The following CALD1 variants were observed in gnomAD, a reference collection of about 807,000 sequenced individuals.
CALD1 encodes caldesmon.
CALD1 carries 33 observed loss-of-function variants against 99.9 expected under a neutral mutation model. That is an observed-to-expected ratio of 0.33 (90% CI 0.25 to 0.44). The LOEUF (loss-of-function observed/expected upper bound fraction) is 0.44. Among genes scored for constraint, CALD1 ranks in the 20% least tolerant of loss-of-function variants. The pLI is 1.00. For synonymous variants in CALD1, 310 were observed against 325.0 expected, an observed-to-expected ratio of 0.95 and a Z score of 0.50; for missense variants, 861 against 962.1, an observed-to-expected ratio of 0.89 and a Z score of 1.39.
chr7:134,766,382 G>A (rs1796827314), intron 1 of CALD1, among the ~76,000 whole-genome samples: 1 of 151,800 alleles, frequency 6.6e-6, no homozygotes, highest in Admixed American at 6.6e-5. Flanking sequence ...CTGACCTCGG[G>A]TGATCCACCT....
At chr7:134,746,024 G>A (rs1796632208) in intron 1 of CALD1, among the ~76,000 whole-genome samples, 1 of 152,178 alleles carries the variant, frequency 6.6e-6, no homozygotes, top group Non-Finnish European at 1.5e-5. Context: ...AGAACCTATG[G>A]GAAAGGTAGT....
intron 1 of CALD1, among the ~76,000 whole-genome samples, chr7:134,765,236 G>T (rs1413485222): frequency 6.6e-6 from 1 of 151,626 alleles, no homozygotes; most frequent in African/African-American, 2.4e-5. Context: ...AATTGCTTAA[G>T]CCCGGGGGCA....
At chr7:134,819,508 AT>A (rs1169975406) in intron 1 of CALD1, among the ~76,000 whole-genome samples, 1 of 152,240 alleles carries the variant, frequency 6.6e-6, no homozygotes, top group African/African-American at 2.4e-5. Context: ...CACACAGGAA[AT>A]GCTTAATATG....
intron 3 of CALD1, among the ~76,000 whole-genome samples, chr7:134,876,566 A>T (rs1801363299): frequency 6.6e-6 from 1 of 152,244 alleles, no homozygotes; most frequent in Admixed American, 6.5e-5. Flanking sequence ...GATAGGCAGA[A>T]TGATACCAGT....
At chr7:134,765,678 G>A (rs932276817) in intron 1 of CALD1, among the ~76,000 whole-genome samples, 5 of 152,190 alleles carry the variant, frequency 3.3e-5, no homozygotes, top group African/African-American at 1.2e-4. Context: ...AGTATTGGAG[G>A]TGGGGCCTGG....
chr7:134,735,818 C>T, the CALD1 span, among the ~76,000 whole-genome samples: 1 of 152,086 alleles, frequency 6.6e-6, no homozygotes, highest in African/African-American at 2.4e-5. Flanking sequence ...AGATATATAA[C>T]TCCAAAAAGT....
At position 134,867,804 on chromosome 7, in the gene CALD1, G is replaced by T; in HGVS notation, c.71G>T (p.Arg24Ile). 1 of 1,591,774 alleles carries T rather than the reference G, an allele frequency of 6.3e-7. No homozygotes were observed. ...KREEMRLEAE[R>I]IAYQRNDDDE... ...GAGGAGATGCGACTCGAAGCAGAAA[G>T]GTAAGGATCTAGGGTGAAAAATACT... Residue 24 changes from arginine to isoleucine, a missense_variant and splice_region_variant, in exon 3 of 15, where the codon AGA becomes ATA. Arg to Ile is a moderately conservative substitution (Grantham distance 97, BLOSUM62 -3). Coordinates refer to ENST00000361675, the MANE Select transcript of CALD1 (RefSeq NM_033138.4).
rs71172475 is a variant in CALD1 at position 134,766,141 on chromosome 7, C to CTTTTTTTTTTTTTTT, written c.-130+21792_-130+21806dup. 1.6e-4 allele frequency among the ~76,000 whole-genome samples: 11 copies of CTTTTTTTTTTTTTTT among 70,804 alleles called. 1 individual carries two copies. Among genetic ancestry groups the CTTTTTTTTTTTTTTT allele is most frequent in the African/African-American group, 4.6e-4 (8 of 17,346 alleles). 46.5% of individuals were successfully genotyped at this position (70,804 alleles called of 152,430 possible). On this transcript the variant is annotated intron_variant, in intron 1 of 13. Coordinates refer to the CALD1 transcript ENST00000417172. ...GAGCCCCTTAAACCTCTTTTCTTTT[C>CTTTTTTTTTTTTTTT]TTTTTTTTTTTTTTTTTTTTTTTTT...
intron 1 of CALD1, among the ~76,000 whole-genome samples, chr7:134,831,493 G>A (rs944793964): frequency 6.6e-6 from 1 of 151,916 alleles, no homozygotes; most frequent in Non-Finnish European, 1.5e-5. Context: ...TAATTTTTTT[G>A]TATTTTTAGT....
intron 7 of CALD1, among the ~76,000 whole-genome samples, chr7:134,942,497 T>G (rs1276537003): frequency 6.6e-6 from 1 of 152,098 alleles, no homozygotes. Flanking sequence ...GATGAAGGTG[T>G]AAGAAAGGTA....
chr7:134,928,919 C>T lies in CALD1; in HGVS notation c.218+19C>T, dbSNP rs958943944. 5.7e-6 allele frequency: 9 copies of T among 1,585,378 alleles called. No individual in the cohort carries two copies. The highest frequency in any genetic ancestry group is 6.0e-6 in the Non-Finnish European group (7 of 1,162,206). On this transcript the variant is annotated intron_variant, in intron 4 of 14. Transcript: ENST00000361675. ...AGAACAGGTACTGTCCTCTTTGGGA[C>T]GGGGAGTTTCTAACTTGCGTCTTAG...
At chr7:134,908,426 A>G (rs927681734) in intron 3 of CALD1, among the ~76,000 whole-genome samples, 1 of 152,176 alleles carries the variant, frequency 6.6e-6, no homozygotes, top group Non-Finnish European at 1.5e-5. Context: ...ATCACTAAAT[A>G]CCTGCCAGTG....
chr7:134,771,114 G>A (rs1473091137), intron 1 of CALD1, among the ~76,000 whole-genome samples: 4 of 152,034 alleles, frequency 2.6e-5, no homozygotes, highest in Non-Finnish European at 5.9e-5. Flanking sequence ...CCTTTTCTGG[G>A]CTGTAAATAT....
chr7:134,960,611 C>T lies in CALD1; in HGVS notation c.2278C>T (p.Pro760Ser). Residue 760 changes from proline (P) to serine (S), a missense_variant, in exon 13 of 15, where the codon CCT becomes TCT. Pro to Ser is a moderately conservative substitution (Grantham distance 74, BLOSUM62 -1). Transcript: ENST00000361675. ...TAAAACCCCAGATGGAAACAAGTCACCTGCTCCCAAACCTTCTGTAAGTAC... is the reference window on the plus strand; with the variant it reads ...TAAAACCCCAGATGGAAACAAGTCATCTGCTCCCAAACCTTCTGTAAGTAC... The part of the protein sequence containing the change: ...LTKTPDGNKS[P>S]APKPSDLRPG... The T allele has an allele frequency of 6.2e-7, 1 of 1,609,982 alleles. No individual in the cohort carries two copies. Among genetic ancestry groups the T allele is most frequent in the Non-Finnish European group, 8.5e-7 (1 of 1,176,236 alleles).
chr7:134,841,306 T>C (rs1799638399), intron 1 of CALD1, among the ~76,000 whole-genome samples: 1 of 152,244 alleles, frequency 6.6e-6, no homozygotes, highest in Non-Finnish European at 1.5e-5. Flanking sequence ...CATGTTTAAC[T>C]ATAAATGTAA....
At chr7:134,906,959 C>T (rs749018638) in intron 3 of CALD1, among the ~76,000 whole-genome samples, 27 of 152,132 alleles carry the variant, frequency 1.8e-4, no homozygotes, top group Non-Finnish European at 3.4e-4. Flanking sequence ...TAGTGGTGTC[C>T]CGGTTCTGAA....
chr7:134,905,939 T>C (rs1233353809), intron 3 of CALD1, among the ~76,000 whole-genome samples: 1 of 148,652 alleles, frequency 6.7e-6, no homozygotes, highest in Non-Finnish European at 1.5e-5. Flanking sequence ...TTTTTTTTTT[T>C]TTTTTTTGAG....
chr7:134,800,539 CAT>C (rs910072244), intron 1 of CALD1, among the ~76,000 whole-genome samples: 31 of 152,106 alleles, frequency 2.0e-4, no homozygotes, highest in Admixed American at 1.2e-3. Flanking sequence ...AATATTGCTA[CAT>C]GTTTCTTTTG....
intron 9 of CALD1, among the ~76,000 whole-genome samples, chr7:134,953,361 C>A (rs1439456501): frequency 6.6e-6 from 1 of 151,992 alleles, no homozygotes; most frequent in Non-Finnish European, 1.5e-5. Context: ...TGCCTGTAAT[C>A]CCTACTCAGG....
Sources: gnomAD v4.1 joint callset for allele counts (sites outside exome capture counted in the v4.1 genomes callset) on GRCh38, gnomAD v4.1.1 for gene constraint, MANE v1.5 for transcripts, NCBI Gene and HGNC (gene_info 2026-07-23, HGNC 2026-07-21) for gene names.